RIMS1: variants seen among roughly 807,000 people sequenced by gnomAD.
The protein encoded by RIMS1 is regulating synaptic membrane exocytosis protein 1.
RIMS1 carries 83 observed loss-of-function variants against 214.1 expected under a neutral mutation model. The ratio of observed to expected loss-of-function variants is 0.39; its 90% CI spans 0.32 to 0.47. The LOEUF is 0.47. Ranked by LOEUF, RIMS1 falls within the 20% of genes least tolerant of loss-of-function variation. RIMS1 has a pLI of 0.99. For synonymous variants in RIMS1, 793 were observed against 786.8 expected (o/e 1.01, Z -0.13); for missense variants, 2,050 against 2,161.8 (o/e 0.95, Z 1.03).
At chr6:71,974,797 A>G (rs1055095427) in intron 2 of RIMS1, among the ~76,000 whole-genome samples, 11 of 152,202 alleles carry the variant, frequency 7.2e-5, no homozygotes, top group South Asian at 2.1e-4. Flanking sequence ...GAAATCTCCA[A>G]TTGCAACACT....
At chr6:72,383,889 T>G (rs1276894270) in intron 29 of RIMS1, among the ~76,000 whole-genome samples, 1 of 152,110 alleles carries the variant, frequency 6.6e-6, no homozygotes, top group Non-Finnish European at 1.5e-5. Flanking sequence ...AAAAAAAATA[T>G]ATTATTTCAG....
chr6:71,915,634 T>G (rs1247362820), intron 1 of RIMS1, among the ~76,000 whole-genome samples: 1 of 152,168 alleles, frequency 6.6e-6, no homozygotes, highest in Non-Finnish European at 1.5e-5. Context: ...CTCAGTTTCC[T>G]CTTCTCACAG....
intron 1 of RIMS1, among the ~76,000 whole-genome samples, chr6:71,899,817 C>T (rs746494704): frequency 1.9e-4 from 29 of 152,036 alleles, no homozygotes; most frequent in Non-Finnish European, 3.2e-4. Flanking sequence ...ATCGACTGGC[C>T]AAATACTAAT....
intron 6 of RIMS1, among the ~76,000 whole-genome samples, chr6:72,191,075 C>G (rs1283654983): frequency 1.3e-5 from 2 of 152,182 alleles, no homozygotes; most frequent in African/African-American, 4.8e-5. Context: ...TCTGCTGGAT[C>G]ATATGAACCA....
intron 2 of RIMS1, among the ~76,000 whole-genome samples, chr6:72,028,001 T>A (rs867814107): frequency 6.6e-6 from 1 of 152,176 alleles, no homozygotes; most frequent in Non-Finnish European, 1.5e-5. Context: ...AAATTACTTA[T>A]CTTTAGAATT....
intron 6 of RIMS1, among the ~76,000 whole-genome samples, chr6:72,230,153 A>G (rs553133279): frequency 8.6e-5 from 13 of 151,946 alleles, no homozygotes; most frequent in Admixed American, 1.3e-4. Context: ...TATTCTATTA[A>G]TATCTAGAAA....
At chr6:72,152,072 T>G (rs922552006) in intron 4 of RIMS1, among the ~76,000 whole-genome samples, 1 of 151,992 alleles carries the variant, frequency 6.6e-6, no homozygotes, top group Non-Finnish European at 1.5e-5. Context: ...TGAGAGATTC[T>G]CCCCCACGAT....
At chr6:72,277,467 A>T (rs957809877) in intron 23 of RIMS1, among the ~76,000 whole-genome samples, 2 of 151,998 alleles carry the variant, frequency 1.3e-5, no homozygotes, top group Admixed American at 6.6e-5. Context: ...CTGTAGTCCC[A>T]GCTATTCGGG....
chr6:72,173,757 T>A (rs909472007), intron 4 of RIMS1, among the ~76,000 whole-genome samples: 1 of 152,156 alleles, frequency 6.6e-6, no homozygotes, highest in African/African-American at 2.4e-5. Context: ...GTTCCTTGAT[T>A]AGCCATATAT....
intron 2 of RIMS1, among the ~76,000 whole-genome samples, chr6:71,970,045 AT>A (rs1795470550): frequency 6.6e-6 from 1 of 152,188 alleles, no homozygotes; most frequent in South Asian, 2.1e-4. Context: ...ATCATTTAAA[AT>A]TATTTATGTT....
intron 4 of RIMS1, among the ~76,000 whole-genome samples, chr6:72,119,482 C>G (rs1251287266): frequency 6.6e-6 from 1 of 151,598 alleles, no homozygotes; most frequent in Admixed American, 6.6e-5. Context: ...CAAAAAAGAG[C>G]CTGAATAGCC....
intron 4 of RIMS1, among the ~76,000 whole-genome samples, chr6:72,159,988 C>G (rs1324260881): frequency 3.7e-5 from 5 of 136,874 alleles, no homozygotes; most frequent in African/African-American, 2.5e-5. Context: ...GGCAGCAAGG[C>G]CATTTTCACG....
At chr6:72,317,072 G>A (rs2095844893) in intron 28 of RIMS1, 1 of 424,094 alleles carries the variant, frequency 2.4e-6, no homozygotes, top group East Asian at 5.3e-5. Context: ...GAGGAGGGCA[G>A]GGGTGGGGTG....
At chr6:72,060,398 G>A (rs1003051788) in intron 2 of RIMS1, among the ~76,000 whole-genome samples, 1 of 152,140 alleles carries the variant, frequency 6.6e-6, no homozygotes, top group Non-Finnish European at 1.5e-5. Context: ...TACAGTAAGT[G>A]TGCCATTCTC....
chr6:72,064,111 A>G (rs1030406104), intron 2 of RIMS1, among the ~76,000 whole-genome samples: 1 of 152,200 alleles, frequency 6.6e-6, no homozygotes, highest in African/African-American at 2.4e-5. Flanking sequence ...TGAGGTCAAG[A>G]GTTCGAGACC....
chr6:72,344,749 AG>A (rs1320683805), intron 29 of RIMS1, among the ~76,000 whole-genome samples: 1 of 151,776 alleles, frequency 6.6e-6, no homozygotes, highest in Non-Finnish European at 1.5e-5. Flanking sequence ...ATTCAGCTAA[AG>A]TAACTCATCT....
intron 2 of RIMS1, among the ~76,000 whole-genome samples, chr6:72,051,231 GC>G (rs1824565633): frequency 6.6e-6 from 1 of 152,066 alleles, no homozygotes; most frequent in Non-Finnish European, 1.5e-5. Context: ...TTTGAACTTG[GC>G]CCTGGAAATT....
chr6:72,005,623 A>T (rs1351819054), intron 2 of RIMS1, among the ~76,000 whole-genome samples: 3 of 152,232 alleles, frequency 2.0e-5, no homozygotes, highest in Non-Finnish European at 2.9e-5. Flanking sequence ...ACCAGGAAAG[A>T]CACTGACTTG....
chr6:72,030,514 T>C (rs1302126400), intron 2 of RIMS1, among the ~76,000 whole-genome samples: 1 of 152,176 alleles, frequency 6.6e-6, no homozygotes, highest in Non-Finnish European at 1.5e-5. Context: ...CATTTCTCCA[T>C]AGTTTTTTGC....
Sources: allele counts gnomAD v4.1 joint callset (sites outside exome capture counted in the v4.1 genomes callset), GRCh38; gene constraint gnomAD v4.1.1; transcripts MANE v1.5; gene names NCBI Gene and HGNC (gene_info 2026-07-23, HGNC 2026-07-21).